The following FAM168A variants were observed in gnomAD, a reference collection of about 807,000 sequenced individuals.
FAM168A encodes family with sequence similarity 168 member A, also known as protein FAM168A.
In FAM168A, 3 loss-of-function variants were observed where a neutral mutation model predicts 28.5. The ratio of observed to expected loss-of-function variants is 0.11; its 90% CI spans 0.05 to 0.27. FAM168A has a LOEUF of 0.27. Ranked by LOEUF, FAM168A falls within the 10% of genes least tolerant of loss-of-function variation. FAM168A has a pLI of 1.00. For synonymous variants in FAM168A, 122 were observed against 124.2 expected (o/e 0.98, Z 0.12); for missense variants, 222 against 311.5 (o/e 0.71, Z 2.16).
At chr11:73,443,353 A>T (rs911584386) in intron 2 of FAM168A, among the ~76,000 whole-genome samples, 3 of 152,208 alleles carry the variant, frequency 2.0e-5, no homozygotes, top group Non-Finnish European at 4.4e-5. Context: ...GGAAGACATA[A>T]TTCTTGCCCT....
chr11:73,495,480 C>T (rs758195142), intron 1 of FAM168A, among the ~76,000 whole-genome samples: 6 of 152,240 alleles, frequency 3.9e-5, no homozygotes, highest in Non-Finnish European at 8.8e-5. Flanking sequence ...CACCACCAAT[C>T]TCCATTGAAA....
In FAM168A at chr11:73,537,144, T is replaced by A. The variant is rs1392985963; in HGVS notation, c.-19+60779A>T. ...AACAGAAAAGAGGGGAAGTGTAACA[T>A]AAAAGAAAAACTACCAAGGGCTAGT... On this transcript the variant is annotated intron_variant, in intron 1 of 7. Transcript: ENST00000356467. Among the ~76,000 whole-genome samples, 46 of 151,934 alleles carry A rather than the reference T, an allele frequency of 3.0e-4. 2 individuals are homozygous for A. Among genetic ancestry groups the A allele is most frequent in the Admixed American group, 2.8e-3 (42 of 15,240 alleles).
intron 1 of FAM168A, among the ~76,000 whole-genome samples, chr11:73,532,005 T>C (rs1943520033): frequency 6.9e-6 from 1 of 145,166 alleles, no homozygotes; most frequent in Non-Finnish European, 1.5e-5. Flanking sequence ...TAGAGAAAGA[T>C]TTTCACCATG....
At chr11:73,469,778 G>A (rs1867787681) in intron 1 of FAM168A, among the ~76,000 whole-genome samples, 1 of 151,694 alleles carries the variant, frequency 6.6e-6, no homozygotes, top group Non-Finnish European at 1.5e-5. Flanking sequence ...TAAACTTAAG[G>A]GAAAAAAATA....
chr11:73,556,735 T>C (rs1042770258), intron 1 of FAM168A, among the ~76,000 whole-genome samples: 1 of 151,944 alleles, frequency 6.6e-6, no homozygotes, highest in Non-Finnish European at 1.5e-5. Context: ...AAAAAAAAAT[T>C]GAGGGCCAGG....
intron 1 of FAM168A, among the ~76,000 whole-genome samples, chr11:73,532,933 G>A (rs538912463): frequency 6.6e-6 from 1 of 152,306 alleles, no homozygotes; most frequent in Non-Finnish European, 1.5e-5. Context: ...GAGGAAAAAT[G>A]CTACCTGTCC....
chr11:73,459,908 G>A (rs990079662), intron 2 of FAM168A, among the ~76,000 whole-genome samples: 8 of 124,478 alleles, frequency 6.4e-5, no homozygotes, highest in Non-Finnish European at 9.6e-5. Context: ...TTTTTGAGAC[G>A]GAGTCTCTGT....
chr11:73,496,872 ATCACAC>A (rs1854891697), intron 1 of FAM168A, among the ~76,000 whole-genome samples: 1 of 117,462 alleles, frequency 8.5e-6, no homozygotes, highest in Non-Finnish European at 1.6e-5. Flanking sequence ...GTATGTTCTT[ATCACAC>A]ACACACACAC....
At position 73,434,677 on chromosome 11, in the gene FAM168A, G is replaced by C. The variant is rs183327772; in HGVS notation, c.71-3907C>G. On this transcript the variant is annotated intron_variant, in intron 2 of 7. Coordinates refer to ENST00000356467, the MANE Select transcript of FAM168A (RefSeq NM_015159.3). ...TGTAGGGCTTTACAGGCCACTGTGA[G>C]GACTTAGACTTCTATTCTGAGTGAA... is the stretch of plus-strand genomic sequence containing the variant. Among the ~76,000 whole-genome samples the C allele has an allele frequency of 3.6e-3, 547 of 152,318 alleles. 2 individuals carry two copies. Among genetic ancestry groups the C allele is most frequent in the African/African-American group, 0.012 (515 of 41,566 alleles).
At chr11:73,596,886 C>T (rs1307048386) in intron 1 of FAM168A, among the ~76,000 whole-genome samples, 1 of 152,124 alleles carries the variant, frequency 6.6e-6, no homozygotes, top group Non-Finnish European at 1.5e-5. Flanking sequence ...CTCCGAAAGT[C>T]CTTCTCCAAA....
At chr11:73,456,588 G>T (rs966050859) in intron 2 of FAM168A, among the ~76,000 whole-genome samples, 6 of 152,158 alleles carry the variant, frequency 3.9e-5, no homozygotes, top group Non-Finnish European at 8.8e-5. Flanking sequence ...TTTATGCAAT[G>T]CTAACAAACT....
intron 1 of FAM168A, among the ~76,000 whole-genome samples, chr11:73,548,157 GT>G (rs1943783121): frequency 6.6e-6 from 1 of 152,058 alleles, no homozygotes; most frequent in African/African-American, 2.4e-5. Flanking sequence ...GTAGAGATCT[GT>G]TATGCAACAA....
chr11:73,516,423 A>G (rs2134644713), intron 1 of FAM168A, among the ~76,000 whole-genome samples: 1 of 152,338 alleles, frequency 6.6e-6, no homozygotes, highest in Middle Eastern at 3.4e-3. Context: ...ATTGTTAACA[A>G]CACTTAACTC....
At chr11:73,410,962 C>T (rs1461979757) in intron 5 of FAM168A, among the ~76,000 whole-genome samples, 1 of 152,190 alleles carries the variant, frequency 6.6e-6, no homozygotes, top group Non-Finnish European at 1.5e-5. Context: ...CTTTCCTCCT[C>T]CCCACTCAGC....
intron 1 of FAM168A, among the ~76,000 whole-genome samples, chr11:73,551,982 T>C (rs986449462): frequency 1.3e-5 from 2 of 152,190 alleles, no homozygotes; most frequent in East Asian, 1.9e-4. Context: ...GAAAGGAATA[T>C]GTGGGGAAAA....
intron 2 of FAM168A, among the ~76,000 whole-genome samples, chr11:73,456,814 A>G (rs1398994435): frequency 6.6e-6 from 1 of 152,246 alleles, no homozygotes; most frequent in South Asian, 2.1e-4. Flanking sequence ...TAAAATTTTC[A>G]GAGAATTTCA....
intron 1 of FAM168A, among the ~76,000 whole-genome samples, chr11:73,507,714 AT>A (rs1428051149): frequency 6.6e-6 from 1 of 152,238 alleles, no homozygotes; most frequent in Non-Finnish European, 1.5e-5. Context: ...AACGTGCAAT[AT>A]TAACAACTGA....
At chr11:73,411,148 C>G (rs1258998583) in intron 5 of FAM168A, among the ~76,000 whole-genome samples, 1 of 152,238 alleles carries the variant, frequency 6.6e-6, no homozygotes, top group Non-Finnish European at 1.5e-5. Context: ...CTCTGAGGGC[C>G]TTTGTCCTCT....
chr11:73,572,790 G>T (rs1368691682), intron 1 of FAM168A, among the ~76,000 whole-genome samples: 1 of 151,890 alleles, frequency 6.6e-6, no homozygotes, highest in Admixed American at 6.6e-5. Flanking sequence ...TTGTTCACTT[G>T]TTTATCTGCT....
Sources: allele counts gnomAD v4.1 joint callset (sites outside exome capture counted in the v4.1 genomes callset), GRCh38; gene constraint gnomAD v4.1.1; transcripts MANE v1.5; gene names NCBI Gene and HGNC (gene_info 2026-07-23, HGNC 2026-07-21).